The following CENPP variants were observed in gnomAD, a reference collection of about 807,000 sequenced individuals.
The protein encoded by CENPP is centromere protein P.
CENPP carries 24 observed loss-of-function variants against 35.6 expected under a neutral mutation model. That is an observed-to-expected ratio of 0.67 (90% CI 0.49 to 0.95). The LOEUF (loss-of-function observed/expected upper bound fraction) is 0.95, where lower values mean the gene tolerates loss of function less well. Ranked by LOEUF, CENPP falls within the 40% of genes least tolerant of loss-of-function variation. The pLI is 0.00. For synonymous variants in CENPP, 120 were observed against 125.5 expected (o/e 0.96, Z 0.29); for missense variants, 332 against 345.3 (o/e 0.96, Z 0.31).
Position 92,476,540 on chromosome 9 carries a change from C to T in CENPP, c.564+96681C>T, listed in dbSNP as rs758557544. ...TTGCCCACTGGGTAGCTGGATGGCA[C>T]TGGTCAGGTATGTGTGATATTCCTG... On this transcript the variant is annotated intron_variant, in intron 5 of 7. Transcript: ENST00000375587. This position sits in a 1 kb window ranked among gnomAD's most constrained non-coding sequence, Gnocchi z 4.1. Among the ~76,000 whole-genome samples the T allele has an allele frequency of 2.6e-5, 4 of 152,174 alleles. No individual in the cohort carries two copies. Among genetic ancestry groups the T allele is most frequent in the Non-Finnish European group, 4.4e-5 (3 of 68,044 alleles).
chr9:92,356,784 G>C (rs768564578), intron 4 of CENPP, among the ~76,000 whole-genome samples: 11 of 151,968 alleles, frequency 7.2e-5, no homozygotes, highest in Admixed American at 2.0e-4. Context: ...ACAGGTGTAA[G>C]AAATTATAAA....
chr9:92,586,813 C>T (rs1222993949), intron 5 of CENPP, among the ~76,000 whole-genome samples: 1 of 152,092 alleles, frequency 6.6e-6, no homozygotes, highest in Non-Finnish European at 1.5e-5. Flanking sequence ...ACAGTCTGTG[C>T]AAATGGTTTG....
At chr9:92,458,941 G>A (rs1338461729) in intron 5 of CENPP, among the ~76,000 whole-genome samples, 1 of 152,152 alleles carries the variant, frequency 6.6e-6, no homozygotes, top group Admixed American at 6.5e-5. Context: ...GAGGCAGAGT[G>A]GCTTGTTGCC....
intron 5 of CENPP, among the ~76,000 whole-genome samples, chr9:92,388,446 G>A (rs531965716): frequency 6.6e-6 from 1 of 152,140 alleles, no homozygotes; most frequent in South Asian, 2.1e-4. Flanking sequence ...ATAGGCGTGA[G>A]CCACTGAACC....
chr9:92,478,619 A>C (rs991264227), intron 5 of CENPP, among the ~76,000 whole-genome samples: 2 of 151,876 alleles, frequency 1.3e-5, no homozygotes, highest in Non-Finnish European at 2.9e-5. Context: ...TGCCTGGCTA[A>C]TTTTTTATAT....
intron 5 of CENPP, among the ~76,000 whole-genome samples, chr9:92,565,359 T>G (rs1232978599): frequency 1.3e-5 from 2 of 150,916 alleles, no homozygotes; most frequent in African/African-American, 4.9e-5. Flanking sequence ...AATTTTGTGT[T>G]GGGCCTCATT....
intron 3 of CENPP, among the ~76,000 whole-genome samples, chr9:92,344,224 C>T (rs1298895839): frequency 1.3e-5 from 2 of 152,060 alleles, no homozygotes; most frequent in Non-Finnish European, 1.5e-5. Flanking sequence ...GATGGAAAAA[C>T]AATATTTTGA....
intron 5 of CENPP, among the ~76,000 whole-genome samples, chr9:92,486,347 T>A (rs190897726): frequency 1.6e-4 from 24 of 152,320 alleles, no homozygotes; most frequent in Non-Finnish European, 2.2e-4. Context: ...ACTAGGCACT[T>A]CGGTTTCTAA....
At chr9:92,507,080 GGA>G in intron 5 of CENPP, among the ~76,000 whole-genome samples, 1 of 152,094 alleles carries the variant, frequency 6.6e-6, no homozygotes, top group East Asian at 1.9e-4. Context: ...GCTAATTCTG[GGA>G]GGGCCTTTGC....
At chr9:92,566,415 T>A (rs1849969927) in intron 5 of CENPP, among the ~76,000 whole-genome samples, 1 of 152,028 alleles carries the variant, frequency 6.6e-6, no homozygotes. Flanking sequence ...ATGGCAGATC[T>A]ACTAGTTAAA....
chr9:92,345,599 CCTTTT>C, intron 3 of CENPP, 95 bp from the exon 4 acceptor site: 7 of 652,392 alleles, frequency 1.1e-5, no homozygotes, highest in Non-Finnish European at 1.9e-5. Flanking sequence ...ATTACTCTTT[CCTTTT>C]ATTTGGTGGC....
intron 5 of CENPP, among the ~76,000 whole-genome samples, chr9:92,579,045 TATTA>T (rs1397691927): frequency 1.3e-5 from 2 of 151,026 alleles, no homozygotes; most frequent in Non-Finnish European, 3.0e-5. Context: ...CAGCACCATT[TATTA>T]AATAGGGAAT....
intron 5 of CENPP, chr9:92,415,239 G>C (rs780716220): frequency 6.2e-7 from 1 of 1,613,478 alleles, no homozygotes; most frequent in South Asian, 1.1e-5. Context: ...CAGGATCATC[G>C]TGATCTTCAC....
At chr9:92,376,017 C>T (rs1842118192) in intron 4 of CENPP, among the ~76,000 whole-genome samples, 1 of 152,234 alleles carries the variant, frequency 6.6e-6, no homozygotes, top group Non-Finnish European at 1.5e-5. Flanking sequence ...CATTTTGGTT[C>T]TGTATGGGGA....
chr9:92,379,070 C>T (rs567061607), intron 4 of CENPP, among the ~76,000 whole-genome samples: 6 of 152,294 alleles, frequency 3.9e-5, no homozygotes, highest in African/African-American at 1.2e-4. Flanking sequence ...TTGCTAGAAC[C>T]GCTCACAGAA....
intron 5 of CENPP, among the ~76,000 whole-genome samples, chr9:92,533,324 A>T (rs1234083707): frequency 0.012 from 953 of 82,368 alleles, no homozygotes; most frequent in African/African-American, 0.015. Context: ...AAAAAAAAAA[A>T]AAAAATATAT....
At chr9:92,421,706 G>A (rs896568976) in intron 5 of CENPP, among the ~76,000 whole-genome samples, 6 of 152,224 alleles carry the variant, frequency 3.9e-5, no homozygotes, top group African/African-American at 1.4e-4. Context: ...CTAGTGATGA[G>A]GCACTATGCT....
intron 4 of CENPP, among the ~76,000 whole-genome samples, chr9:92,364,946 A>G (rs1180702556): frequency 6.6e-6 from 1 of 152,206 alleles, no homozygotes; most frequent in Non-Finnish European, 1.5e-5. Context: ...TTGTCTAACA[A>G]ACCACTTGAA....
intron 5 of CENPP, among the ~76,000 whole-genome samples, chr9:92,436,114 A>G (rs1844239634): frequency 6.6e-6 from 1 of 152,218 alleles, no homozygotes; most frequent in Admixed American, 6.5e-5. Flanking sequence ...ATAGGTATGT[A>G]GTGATATATT....
Sources: allele counts gnomAD v4.1 joint callset (sites outside exome capture counted in the v4.1 genomes callset), GRCh38; gene constraint gnomAD v4.1.1; non-coding constraint Gnocchi (gnomAD v3.1); transcripts MANE v1.5; gene names NCBI Gene and HGNC (gene_info 2026-07-23, HGNC 2026-07-21).